The following RBM41 variants were observed in gnomAD, a reference collection of about 807,000 sequenced individuals.
RBM41 encodes RNA-binding protein 41.
In RBM41, 14 loss-of-function variants were observed where a neutral mutation model predicts 30.8. The observed-to-expected ratio is 0.45, with a 90% CI of 0.30 to 0.71. The LOEUF is 0.71. Ranked by LOEUF, RBM41 falls within the 30% of genes least tolerant of loss-of-function variation. The probability of loss-of-function intolerance (pLI) is 0.08; values close to 1 mark genes in which losing one functional copy is unlikely to be tolerated. For synonymous variants in RBM41, 120 were observed against 110.1 expected (o/e 1.09, Z -0.56); for missense variants, 276 against 326.3 (o/e 0.85, Z 1.19).
chrX:107,061,557 G>C (rs1296233763), downstream of RBM41, among the ~76,000 whole-genome samples: 1 of 111,545 alleles, frequency 9.0e-6, no homozygotes, highest in Non-Finnish European at 1.9e-5. Flanking sequence ...TTTCCAGCTT[G>C]TCCTTTGATT....
At chrX:107,101,216 G>A (rs906817391) in intron 5 of RBM41, among the ~76,000 whole-genome samples, 5 of 111,097 alleles carry the variant, frequency 4.5e-5, no homozygotes, top group Non-Finnish European at 7.5e-5. Context: ...TTGGAGTATC[G>A]GCATGTTCTG....
chrX:107,058,019 C>A (rs953987011), downstream of RBM41, among the ~76,000 whole-genome samples: 3 of 111,643 alleles, frequency 2.7e-5, no homozygotes, highest in East Asian at 2.8e-4. Flanking sequence ...TGAGGCCAGG[C>A]GTGGTGGCTC....
chrX:107,061,621 T>A (rs1208671138), downstream of RBM41, among the ~76,000 whole-genome samples: 1 of 111,816 alleles, frequency 8.9e-6, no homozygotes, highest in Non-Finnish European at 1.9e-5. Flanking sequence ...TTCCTTTCTT[T>A]TTTTTAGAGA....
At chrX:107,070,419 G>C (rs1007866844) in intron 6 of RBM41, 1 of 321,264 alleles carries the variant, frequency 3.1e-6, no homozygotes, top group East Asian at 9.7e-5. Context: ...GGGAAAACTG[G>C]TAAGTCCTAG....
chrX:107,086,963 T>C (rs1444335981), intron 6 of RBM41, among the ~76,000 whole-genome samples: 2 of 112,106 alleles, frequency 1.8e-5, no homozygotes, highest in Non-Finnish European at 3.8e-5. Context: ...ATGTCATCTA[T>C]ATAGTTTTAA....
intron 6 of RBM41, among the ~76,000 whole-genome samples, chrX:107,083,746 A>G (rs1354033251): frequency 9.1e-6 from 1 of 110,351 alleles, no homozygotes; most frequent in African/African-American, 3.3e-5. Flanking sequence ...ACTCCTTTTG[A>G]TTCTTTCTTA....
At chrX:107,109,714 T>C (rs1443761267) in intron 5 of RBM41, among the ~76,000 whole-genome samples, 1 of 111,535 alleles carries the variant, frequency 9.0e-6, no homozygotes, top group Non-Finnish European at 1.9e-5. Flanking sequence ...TTTATTAATA[T>C]GGGCATATAC....
At chrX:107,055,351 G>A in the RBM41 span, among the ~76,000 whole-genome samples, 1 of 111,628 alleles carries the variant, frequency 9.0e-6, no homozygotes, top group African/African-American at 3.3e-5. Flanking sequence ...TTGAGACGGA[G>A]TCTTGCTCTG....
chrX:107,087,602 C>T (rs917198530), intron 6 of RBM41, among the ~76,000 whole-genome samples: 1 of 110,567 alleles, frequency 9.0e-6, no homozygotes, highest in African/African-American at 3.3e-5. Context: ...TATTTAGTTA[C>T]GTATTGGACA....
At chrX:107,071,910 AAC>A (rs1266739129) in intron 6 of RBM41, among the ~76,000 whole-genome samples, 1 of 112,112 alleles carries the variant, frequency 8.9e-6, no homozygotes, top group African/African-American at 3.2e-5. Context: ...ATAGGCAAGA[AAC>A]AGAAATAAAA....
intron 5 of RBM41, among the ~76,000 whole-genome samples, chrX:107,098,208 T>C (rs1461822682): frequency 1.8e-5 from 2 of 111,900 alleles, no homozygotes; most frequent in African/African-American, 3.3e-5. Context: ...TGAAGACTCA[T>C]AGATATGTCA....
chrX:107,074,161 T>C (rs1343816896), intron 6 of RBM41, among the ~76,000 whole-genome samples: 1 of 111,613 alleles, frequency 9.0e-6, no homozygotes, highest in Non-Finnish European at 1.9e-5. Context: ...ATACTTAAGA[T>C]AGTAGATAAG....
At chrX:107,077,545 T>C (rs766067062) in intron 6 of RBM41, among the ~76,000 whole-genome samples, 2 of 107,549 alleles carry the variant, frequency 1.9e-5, no homozygotes, top group Non-Finnish European at 3.8e-5. Flanking sequence ...GACTTGTATG[T>C]ATGTATGAAT....
intron 6 of RBM41, among the ~76,000 whole-genome samples, chrX:107,074,037 A>T (rs1936153651): frequency 9.0e-6 from 1 of 111,442 alleles, no homozygotes; most frequent in South Asian, 3.8e-4. Flanking sequence ...TAAGAGGAAT[A>T]GGTGCTAGTG....
rs1387033761 is a variant in RBM41, at chrX:107,088,634, T to A, written c.801A>T (p.Ala267=). ...GGAGACTGGGGCCTTTACCCTGTGC[T>A]GCCTGTTTTCCCTTGTCCTGGAGTA... ...PSLLQDKGKQ[A]AQGKGPSLHV... is the part of the protein sequence containing the mutation. Residue 267 remains alanine (A), a synonymous_variant, in exon 6 of 8, where the codon GCA becomes GCT. Coordinates refer to ENST00000685964, the MANE Select transcript of RBM41 (RefSeq NM_001324242.2). 8.3e-7 allele frequency: 1 copy of A among 1,209,607 alleles called. No homozygotes were observed. The highest frequency in any genetic ancestry group is 1.1e-6 in the Non-Finnish European group (1 of 895,102).
intron 5 of RBM41, among the ~76,000 whole-genome samples, chrX:107,099,690 TACACACACACACACACAC>T (rs58279760): frequency 4.3e-5 from 4 of 92,536 alleles, no homozygotes; most frequent in Non-Finnish European, 8.7e-5. Flanking sequence ...TCCTGAAAGG[TACACACACACACACACAC>T]ACACACACAC....
At chrX:107,071,652 A>T (rs973828764) in intron 6 of RBM41, among the ~76,000 whole-genome samples, 1 of 112,106 alleles carries the variant, frequency 8.9e-6, no homozygotes, top group Admixed American at 9.4e-5. Context: ...AAATATAAAA[A>T]TTACATGATT....
chrX:107,104,092 C>A (rs902360058), intron 5 of RBM41, among the ~76,000 whole-genome samples: 2 of 110,439 alleles, frequency 1.8e-5, no homozygotes, highest in African/African-American at 6.6e-5. Context: ...CCCCTACCCC[C>A]CCGCCAGAGA....
At chrX:107,104,816 T>A (rs1923800307) in intron 5 of RBM41, among the ~76,000 whole-genome samples, 1 of 111,158 alleles carries the variant, frequency 9.0e-6, no homozygotes, top group African/African-American at 3.3e-5. Flanking sequence ...TATTGAGGAT[T>A]TTTGCATTGA....
Sources: gnomAD v4.1 joint callset for allele counts (sites outside exome capture counted in the v4.1 genomes callset) on GRCh38, gnomAD v4.1.1 for gene constraint, MANE v1.5 for transcripts, NCBI Gene and HGNC (gene_info 2026-07-23, HGNC 2026-07-21) for gene names.